PTPRO: variants seen among roughly 807,000 people sequenced by gnomAD.
PTPRO encodes protein tyrosine phosphatase receptor type O, also known as receptor-type tyrosine-protein phosphatase O.
A neutral mutation model predicts 145.2 loss-of-function variants in PTPRO; 62 were observed. The ratio of observed to expected loss-of-function variants is 0.43; its 90% CI spans 0.35 to 0.53. The LOEUF is 0.53. Among genes scored for constraint, PTPRO ranks in the 20% least tolerant of loss-of-function variants. The pLI is 0.01. For synonymous variants in PTPRO, 565 were observed against 514.7 expected (o/e 1.10, Z -1.32); for missense variants, 1,345 against 1,482.7 (o/e 0.91, Z 1.53).
At chr12:15,428,903 C>T (rs1940355969) in intron 1 of PTPRO, among the ~76,000 whole-genome samples, 1 of 152,154 alleles carries the variant, frequency 6.6e-6, no homozygotes, top group African/African-American at 2.4e-5. Context: ...CACTCCTTTC[C>T]TCTAGGAACA....
chr12:15,469,949 A>G lies in PTPRO; in HGVS notation c.76-14025A>G, dbSNP rs369568133. Among the ~76,000 whole-genome samples the G allele has an allele frequency of 7.1e-4, 108 of 152,190 alleles. No individual in the cohort carries two copies. In the South Asian group the frequency reaches 0.022, roughly 30 times the overall value. On this transcript the variant is annotated intron_variant, in intron 1 of 26. Transcript: ENST00000281171. ...TTCATTTGTCCCTACCCCCTAAAAA[A>G]CTGTCATAATAAGCTTTTAGTATTT...
chr12:15,548,176 G>T (rs1943346828), intron 13 of PTPRO, among the ~76,000 whole-genome samples: 1 of 151,156 alleles, frequency 6.6e-6, no homozygotes, highest in Admixed American at 6.6e-5. Context: ...TTGAACAGAT[G>T]AAAACTTCAG....
chr12:15,456,186 T>C lies in PTPRO; in HGVS notation c.76-27788T>C, dbSNP rs191976530. Among the ~76,000 whole-genome samples the C allele has an allele frequency of 1.9e-3, 282 of 152,360 alleles. 1 individual carries two copies. The highest frequency in any genetic ancestry group is 2.2e-3 in the Non-Finnish European group (147 of 68,034). ...TTAGAATTTTTATCATAAAAGGGTA[T>C]TGAATTTTATCAAATTTCTTTTCTA... On this transcript the variant is annotated intron_variant, in intron 1 of 26. Coordinates refer to ENST00000281171, the MANE Select transcript of PTPRO (RefSeq NM_030667.3).
chr12:15,478,556 A>G (rs1444528969), intron 1 of PTPRO, among the ~76,000 whole-genome samples: 1 of 152,174 alleles, frequency 6.6e-6, no homozygotes, highest in Non-Finnish European at 1.5e-5. Flanking sequence ...TAATTTGGGT[A>G]TGGGGAAGGG....
Position 15,322,669 on chromosome 12 carries a change from C to T in PTPRO, c.-58C>T. On this transcript the variant is annotated 5_prime_UTR_variant, in exon 1 of 27. Transcript: ENST00000281171. This position sits in a 1 kb window ranked among gnomAD's most constrained non-coding sequence, Gnocchi z 6.3. ...TGCAGCCCCAGTTCGCCATTGTGAG[C>T]CGCCGCCGGGGGAGTCCGCTAGCGC... The T allele has an allele frequency of 6.8e-7, 1 of 1,476,246 alleles. No homozygotes were observed. The highest frequency in any genetic ancestry group is 1.4e-5 in the African/African-American group (1 of 72,024). The allele number at this position is 1,476,246 out of a possible 1,614,324, so 91.4% of individuals were successfully genotyped here.
intron 12 of PTPRO, among the ~76,000 whole-genome samples, chr12:15,537,879 A>C (rs1943096919): frequency 6.6e-6 from 1 of 151,820 alleles, no homozygotes. Flanking sequence ...ATGACAGACA[A>C]ACAGACAGTA....
At chr12:15,479,687 A>G (rs776010529) in intron 1 of PTPRO, among the ~76,000 whole-genome samples, 1 of 152,232 alleles carries the variant, frequency 6.6e-6, no homozygotes, top group South Asian at 2.1e-4. Flanking sequence ...CTCCCCCAGC[A>G]CAGGTACAAG....
chr12:15,568,765 C>A (rs1288156692), intron 18 of PTPRO, among the ~76,000 whole-genome samples: 2 of 152,188 alleles, frequency 1.3e-5, no homozygotes, highest in Non-Finnish European at 2.9e-5. Context: ...TGAGCCATTT[C>A]CATACTTTTA....
At chr12:15,330,337 G>A (rs1398567722) in intron 1 of PTPRO, among the ~76,000 whole-genome samples, 2 of 152,316 alleles carry the variant, frequency 1.3e-5, no homozygotes, top group East Asian at 3.9e-4. Flanking sequence ...AAATTGGAGA[G>A]AGCAAGATGT....
intron 7 of PTPRO, among the ~76,000 whole-genome samples, chr12:15,512,013 T>C (rs760426679): frequency 3.9e-5 from 6 of 152,204 alleles, no homozygotes; most frequent in Non-Finnish European, 5.9e-5. Flanking sequence ...ACATTCTAAA[T>C]AGGCAAAATG....
chr12:15,422,234 A>G (rs1281406180), intron 1 of PTPRO, among the ~76,000 whole-genome samples: 1 of 152,156 alleles, frequency 6.6e-6, no homozygotes, highest in Non-Finnish European at 1.5e-5. Context: ...AGAAGACATC[A>G]TAATTGTACG....
At chr12:15,419,321 G>A (rs1319722601) in intron 1 of PTPRO, among the ~76,000 whole-genome samples, 1 of 151,460 alleles carries the variant, frequency 6.6e-6, no homozygotes, top group Non-Finnish European at 1.5e-5. Flanking sequence ...GAGTTTTGGA[G>A]AAAGGTCAGT....
In PTPRO at chr12:15,515,617, T is replaced by A; in HGVS notation, c.1584T>A (p.Ile528=). 2.5e-6 allele frequency: 4 copies of A among 1,614,034 alleles called. No homozygotes were observed. Among genetic ancestry groups the A allele is most frequent in the Non-Finnish European group, 3.4e-6 (4 of 1,179,968 alleles). Residue 528 remains isoleucine, a splice_region_variant and synonymous_variant, in exon 8 of 27, where the codon ATT becomes ATA. Coordinates refer to ENST00000281171, the MANE Select transcript of PTPRO (RefSeq NM_030667.3). The stretch of plus-strand genomic sequence containing the variant: ...CTTCAGATCCTGTGACATTTGCTAT[T>A]GGTAAGTTGCTAGCCACAAGAAGAA... ...GPPSDPVTFA[I]VPTGIKDLML... is the part of the protein sequence containing the mutation.
At chr12:15,472,516 C>T (rs1941565600) in intron 1 of PTPRO, among the ~76,000 whole-genome samples, 2 of 152,126 alleles carry the variant, frequency 1.3e-5, no homozygotes, top group Admixed American at 6.5e-5. Context: ...ATGCTCTTCC[C>T]GCTTAACAAG....
intron 24 of PTPRO, among the ~76,000 whole-genome samples, chr12:15,589,246 C>T (rs961793658): frequency 1.3e-5 from 2 of 152,020 alleles, no homozygotes; most frequent in African/African-American, 4.8e-5. Flanking sequence ...AATGGTGGCA[C>T]ATACCTGTAA....
intron 12 of PTPRO, 149 bp downstream of exon 12, chr12:15,526,411 G>A (rs1942839375): frequency 9.2e-7 from 1 of 1,085,270 alleles, no homozygotes; most frequent in Non-Finnish European, 1.4e-6. Context: ...TAGCAAAAGG[G>A]TATGTTCAAC....
chr12:15,439,552 G>T, intron 1 of PTPRO: 1 of 248,584 alleles, frequency 4.0e-6, no homozygotes, highest in South Asian at 4.7e-5. Flanking sequence ...GGTGGAGCGA[G>T]GGGGCCCGGA....
chr12:15,350,342 C>T (rs182107258), intron 1 of PTPRO, among the ~76,000 whole-genome samples: 89 of 152,200 alleles, frequency 5.8e-4, no homozygotes, highest in African/African-American at 1.5e-3. Flanking sequence ...CGTGGAAGAC[C>T]TACTATGTCA....
intron 22 of PTPRO, 50 bp from the exon 23 acceptor site, chr12:15,581,629 T>C (rs1194009002): frequency 6.3e-7 from 1 of 1,599,644 alleles, no homozygotes; most frequent in Non-Finnish European, 8.6e-7. Context: ...GCACACTTAA[T>C]TCCTTTCCTA....
Sources: allele counts gnomAD v4.1 joint callset (sites outside exome capture counted in the v4.1 genomes callset), GRCh38; gene constraint gnomAD v4.1.1; non-coding constraint Gnocchi (gnomAD v3.1); transcripts MANE v1.5; gene names NCBI Gene and HGNC (gene_info 2026-07-23, HGNC 2026-07-21).